Variants in HDAC9 observed in about 807,000 individuals in gnomAD.
HDAC9 encodes the protein MEF-2 interacting transcription repressor (MITR) protein.
HDAC9 carries 41 observed loss-of-function variants against 139.4 expected under a neutral mutation model. That is an observed-to-expected ratio of 0.29 (90% CI 0.23 to 0.38). The LOEUF (loss-of-function observed/expected upper bound fraction) is 0.38, where lower values mean the gene tolerates loss of function less well. Ranked by LOEUF, HDAC9 falls within the 10% of genes least tolerant of loss-of-function variation. The pLI is 1.00. For missense variants in HDAC9, 1,147 were observed against 1,297.0 expected (o/e 0.88, Z 1.78); for synonymous variants, 517 against 476.2 (o/e 1.09, Z -1.12).
At chr7:18,880,453 T>A (rs1197276276) in intron 22 of HDAC9, among the ~76,000 whole-genome samples, 3 of 152,098 alleles carry the variant, frequency 2.0e-5, no homozygotes, top group African/African-American at 7.2e-5. Flanking sequence ...GTGGTACATA[T>A]ACACCATACT....
intron 1 of HDAC9, among the ~76,000 whole-genome samples, chr7:18,381,145 G>A (rs1785396331): frequency 7.9e-6 from 1 of 126,156 alleles, no homozygotes; most frequent in Non-Finnish European, 1.5e-5. Context: ...GTTGCAATGA[G>A]CTGAGATCAT....
At chr7:18,094,099 T>A (rs1782342512) in intron 1 of HDAC9, among the ~76,000 whole-genome samples, 1 of 152,190 alleles carries the variant, frequency 6.6e-6, no homozygotes, top group African/African-American at 2.4e-5. Flanking sequence ...TATGATTGGA[T>A]TGTGTTAGAT....
upstream of HDAC9, among the ~76,000 whole-genome samples, chr7:18,492,554 TA>T (rs1426702411): frequency 3.9e-5 from 6 of 151,990 alleles, no homozygotes; most frequent in Non-Finnish European, 7.4e-5. Flanking sequence ...TATGTGTATA[TA>T]ACATATAATA....
At chr7:18,850,413 A>G (rs538235369) in intron 21 of HDAC9, among the ~76,000 whole-genome samples, 37 of 152,284 alleles carry the variant, frequency 2.4e-4, no homozygotes, top group African/African-American at 8.7e-4. Flanking sequence ...CAAAAATGAA[A>G]GCGTAGGGGA....
intron 1 of HDAC9, among the ~76,000 whole-genome samples, chr7:18,376,031 G>A (rs1239827405): frequency 1.3e-5 from 2 of 152,062 alleles, no homozygotes; most frequent in African/African-American, 4.8e-5. Context: ...GAGTGTTATC[G>A]TTTAGTTAGG....
intron 12 of HDAC9, among the ~76,000 whole-genome samples, chr7:18,669,796 A>G (rs1795553370): frequency 6.6e-6 from 1 of 151,904 alleles, no homozygotes; most frequent in Non-Finnish European, 1.5e-5. Flanking sequence ...TAGAAAAAAT[A>G]GTTATTGCCA....
At chr7:18,682,919 T>G (rs573537639) in intron 12 of HDAC9, among the ~76,000 whole-genome samples, 5 of 152,048 alleles carry the variant, frequency 3.3e-5, no homozygotes, top group African/African-American at 9.6e-5. Context: ...AAGCGGAGGT[T>G]GCAGTGAACT....
At position 18,975,795 on chromosome 7, in the gene HDAC9, G is replaced by A. The variant is rs1360828760; in HGVS notation, c.3023-11G>A. On this transcript the variant is annotated splice_polypyrimidine_tract_variant and intron_variant, in intron 24 of 25. Coordinates refer to ENST00000686413, the MANE Select transcript of HDAC9 (RefSeq NM_178425.4). ...ACAATTCTTATGAAGTATGATGGAT[G>A]TTTTTCCTAGGCAAGTATTGGAAGT... The A allele has an allele frequency of 1.9e-6, 3 of 1,612,952 alleles. No individual in the cohort carries two copies. The highest frequency in any genetic ancestry group is 2.2e-5 in the East Asian group (1 of 44,888).
Position 18,135,739 on chromosome 7 carries a change from T to C in HDAC9, c.-96-26490T>C, listed in dbSNP as rs1446701377. ...TGGGTTGGTTCCAAGTCTTTGCTATTGTGAATAATGCCACAATAAACATAC... is the reference window on the plus strand; with the variant it reads ...TGGGTTGGTTCCAAGTCTTTGCTATCGTGAATAATGCCACAATAAACATAC... On this transcript the variant is annotated intron_variant, in intron 1 of 12. Coordinates refer to the HDAC9 transcript ENST00000417496. Among the ~76,000 whole-genome samples, 1,163 of 147,930 alleles carry C rather than the reference T, an allele frequency of 7.9e-3. 7 individuals are homozygous for C. Among genetic ancestry groups the C allele is most frequent in the African/African-American group, 0.026 (1,028 of 39,282 alleles).
At chr7:18,475,860 C>A (rs752531800) in intron 1 of HDAC9, among the ~76,000 whole-genome samples, 1 of 152,114 alleles carries the variant, frequency 6.6e-6, no homozygotes, top group African/African-American at 2.4e-5. Context: ...CATCTCAATG[C>A]GACTTCAGCA....
In HDAC9 at chr7:18,394,718, T is replaced by C. The variant is rs566003523; in HGVS notation, c.-41-101544T>C. On this transcript the variant is annotated intron_variant, in intron 1 of 3. Coordinates refer to the HDAC9 transcript ENST00000413509. ...TTCATTTCTGTTGAAATTCATTATT[T>C]AAGAACTGTACTCTGGAGATTTACC... 1.0e-3 allele frequency among the ~76,000 whole-genome samples: 152 copies of C among 152,240 alleles called. 1 individual carries two copies. The highest frequency in any genetic ancestry group is 3.6e-3 in the African/African-American group (149 of 41,558).
chr7:18,991,211 G>T (rs938519980), intron 25 of HDAC9, among the ~76,000 whole-genome samples: 1 of 151,988 alleles, frequency 6.6e-6, no homozygotes, highest in Non-Finnish European at 1.5e-5. Context: ...TATACAAAAT[G>T]GTATAACATT....
At chr7:18,259,966 T>C (rs1411723756) in intron 2 of HDAC9, among the ~76,000 whole-genome samples, 2 of 152,212 alleles carry the variant, frequency 1.3e-5, no homozygotes, top group South Asian at 2.1e-4. Context: ...CCCCATATCA[T>C]ACTGATATGT....
intron 2 of HDAC9, among the ~76,000 whole-genome samples, chr7:18,516,825 C>A (rs1261576118): frequency 4.9e-5 from 7 of 142,420 alleles, no homozygotes; most frequent in Admixed American, 3.7e-4. Flanking sequence ...CGTGCCATTG[C>A]ACTCCAGCCT....
intron 23 of HDAC9, among the ~76,000 whole-genome samples, chr7:18,939,314 T>A (rs1781865143): frequency 6.6e-6 from 1 of 152,198 alleles, no homozygotes; most frequent in Non-Finnish European, 1.5e-5. Context: ...TATGGGATTA[T>A]TGAATTTTTG....
At chr7:18,349,418 C>T (rs1362976456) in intron 1 of HDAC9, among the ~76,000 whole-genome samples, 1 of 151,250 alleles carries the variant, frequency 6.6e-6, no homozygotes, top group Non-Finnish European at 1.5e-5. Context: ...TGATCAACAG[C>T]TAACATCTTA....
At chr7:18,786,392 G>A (rs779837131) in intron 16 of HDAC9, among the ~76,000 whole-genome samples, 1 of 151,688 alleles carries the variant, frequency 6.6e-6, no homozygotes, top group African/African-American at 2.4e-5. Flanking sequence ...GGAGCTTCAG[G>A]TAATGCCTAA....
At chr7:18,571,434 C>T (rs1278968356) in intron 2 of HDAC9, among the ~76,000 whole-genome samples, 2 of 152,114 alleles carry the variant, frequency 1.3e-5, no homozygotes, top group Non-Finnish European at 2.9e-5. Context: ...AACCTTGGTT[C>T]CTCCTCTCCG....
intron 1 of HDAC9, among the ~76,000 whole-genome samples, chr7:18,098,367 G>C (rs1782643931): frequency 1.3e-5 from 2 of 152,150 alleles, no homozygotes; most frequent in South Asian, 4.1e-4. Flanking sequence ...TGGTTATAGA[G>C]GCTATCTATG....
Sources: gnomAD v4.1 joint callset for allele counts (sites outside exome capture counted in the v4.1 genomes callset) on GRCh38, gnomAD v4.1.1 for gene constraint, MANE v1.5 for transcripts, NCBI Gene and HGNC (gene_info 2026-07-23, HGNC 2026-07-21) for gene names.